The following POLR2B variants were observed in gnomAD, a reference collection of about 807,000 sequenced individuals.
POLR2B encodes DNA-directed RNA polymerase II subunit RPB2.
A neutral mutation model predicts 144.6 loss-of-function variants in POLR2B; 57 were observed. That is an observed-to-expected ratio of 0.39 (90% CI 0.32 to 0.49). The LOEUF is 0.49. Ranked by LOEUF, POLR2B falls within the 20% of genes least tolerant of loss-of-function variation. The pLI, the probability that POLR2B is intolerant of heterozygous loss-of-function variation, is 0.83. For missense variants in POLR2B, 595 were observed against 1,467.4 expected (o/e 0.41, Z 9.71); for synonymous variants, 442 against 469.8 (o/e 0.94, Z 0.77).
At chr4:57,006,732 C>A (rs761454675) in intron 9 of POLR2B, 84 bp from the exon 10 acceptor site, 8 of 1,123,116 alleles carry the variant, frequency 7.1e-6, no homozygotes, top group African/African-American at 4.7e-5. Context: ...ACCTTCCCCA[C>A]GCTTTTTTTT....
At chr4:56,997,498 C>T (rs1267846339) in intron 6 of POLR2B, among the ~76,000 whole-genome samples, 1 of 152,228 alleles carries the variant, frequency 6.6e-6, no homozygotes, top group African/African-American at 2.4e-5. Context: ...CTCAAGTGAC[C>T]TGCCTGCCTT....
Position 57,017,005 on chromosome 4 carries a change from A to G in POLR2B, c.1956-38A>G. 3 of 1,297,954 alleles carry G rather than the reference A, an allele frequency of 2.3e-6. No individual in the cohort carries two copies. Among genetic ancestry groups the G allele is most frequent in the Non-Finnish European group, 3.2e-6 (3 of 936,162 alleles). The allele number at this position is 1,297,954 out of a possible 1,614,324, so 80.4% of individuals were successfully genotyped here. ...AGTAGGAGGAATAGTTAGTTAAAAT[A>G]CTTGAGGAAGTAGAAAATTGAGTGA... On this transcript the variant is annotated intron_variant, in intron 14 of 24. Transcript: ENST00000314595. The surrounding 1 kb of genome is among the most constrained non-coding windows in gnomAD (Gnocchi z 4.8).
intron 10 of POLR2B, among the ~76,000 whole-genome samples, chr4:57,007,948 A>G (rs971543643): frequency 6.6e-6 from 1 of 152,178 alleles, no homozygotes; most frequent in Non-Finnish European, 1.5e-5. Context: ...TTTCCTAGAA[A>G]TCTGGATGCT....
chr4:57,023,460 C>T lies in POLR2B; in HGVS notation c.2646C>T (p.Ser882=). Residue 882 remains serine, a synonymous_variant, in exon 19 of 25, where the codon AGC becomes AGT. Transcript: ENST00000314595. This position sits in a 1 kb window ranked among gnomAD's most constrained non-coding sequence, Gnocchi z 4.3. ...CTGAAAATGAAGATGAATTGGAGAGCACCAATAGACGCTATACCAAGAGAG... is the reference window on the plus strand; with the variant it reads ...CTGAAAATGAAGATGAATTGGAGAGTACCAATAGACGCTATACCAAGAGAG... ...TLPENEDELE[S]TNRRYTKRDC... 6.2e-7 allele frequency: 1 copy of T among 1,613,946 alleles called. No individual in the cohort carries two copies. The highest frequency in any genetic ancestry group is 1.7e-5 in the Admixed American group (1 of 59,998).
chr4:56,999,028 T>C (rs1722774255), intron 6 of POLR2B, among the ~76,000 whole-genome samples: 1 of 152,026 alleles, frequency 6.6e-6, no homozygotes. Context: ...TTAGTAACTT[T>C]TAATTTGTCT....
intron 10 of POLR2B, 31 bp downstream of exon 10, chr4:57,007,033 A>G (rs748946444): frequency 1.4e-6 from 2 of 1,435,862 alleles, no homozygotes; most frequent in Non-Finnish European, 1.9e-6. Context: ...TACAGGCTCA[A>G]TAGGAAACAT....
chr4:57,018,879 G>T (rs1440517744), intron 16 of POLR2B, among the ~76,000 whole-genome samples: 1 of 152,118 alleles, frequency 6.6e-6, no homozygotes. Context: ...ACTGGATGGT[G>T]GGTAAAATGG....
chr4:56,980,261 T>C (rs1157541005), intron 1 of POLR2B, among the ~76,000 whole-genome samples: 3 of 152,126 alleles, frequency 2.0e-5, no homozygotes, highest in Non-Finnish European at 1.5e-5. Context: ...TAAACTTCTG[T>C]CTCATTTATA....
At chr4:57,015,882 C>T (rs868619699) in intron 14 of POLR2B, among the ~76,000 whole-genome samples, 6 of 152,070 alleles carry the variant, frequency 3.9e-5, no homozygotes, top group Admixed American at 1.3e-4. Context: ...CCTCAACCAC[C>T]GTAGTAGCTG....
chr4:57,031,010 G>T lies in POLR2B; in HGVS notation c.*22G>T. ...TTAGCTATTTTACAGGAGTCAACAA[G>T]ATAATTAAATATCTTGGTGTCTTGT... is the stretch of plus-strand genomic sequence containing the variant. On this transcript the variant is annotated 3_prime_UTR_variant, in exon 25 of 25. Coordinates refer to ENST00000314595, the MANE Select transcript of POLR2B (RefSeq NM_000938.3). The T allele has an allele frequency of 7.3e-7, 1 of 1,361,254 alleles. No homozygotes were observed. 84.3% of individuals were successfully genotyped at this position (1,361,254 alleles called of 1,614,324 possible).
At chr4:57,029,109 TCTTGAGG>T (rs1411579839) in intron 23 of POLR2B, among the ~76,000 whole-genome samples, 1 of 152,220 alleles carries the variant, frequency 6.6e-6, no homozygotes, top group Non-Finnish European at 1.5e-5. Flanking sequence ...TGTAAATAGA[TCTTGAGG>T]CTTGAGATTT....
At chr4:57,026,198 C>T (rs1447459066) in intron 23 of POLR2B, among the ~76,000 whole-genome samples, 1 of 151,902 alleles carries the variant, frequency 6.6e-6, no homozygotes, top group Non-Finnish European at 1.5e-5. Flanking sequence ...AGATCACACC[C>T]CTGTGCTCCA....
intron 6 of POLR2B, among the ~76,000 whole-genome samples, chr4:56,996,287 T>A (rs1375906017): frequency 7.6e-6 from 1 of 131,800 alleles, no homozygotes; most frequent in Non-Finnish European, 1.6e-5. Context: ...TATTTTTTTT[T>A]TTTTTTTTTT....
At chr4:56,992,560 ATTTTTTTT>A (rs779373741) in intron 3 of POLR2B, among the ~76,000 whole-genome samples, 1 of 85,586 alleles carries the variant, frequency 1.2e-5, no homozygotes, top group East Asian at 5.7e-4. Flanking sequence ...TGGCTTATCT[ATTTTTTTT>A]TTTTTTTTTG....
At chr4:57,003,599 T>C (rs1722919139) in intron 7 of POLR2B, among the ~76,000 whole-genome samples, 1 of 152,128 alleles carries the variant, frequency 6.6e-6, no homozygotes, top group Non-Finnish European at 1.5e-5. Context: ...ATGCCTGTAA[T>C]CCTAGCACTT....
intron 21 of POLR2B, 44 bp downstream of exon 21, chr4:57,024,156 C>T: frequency 2.9e-6 from 3 of 1,024,024 alleles, no homozygotes; most frequent in Non-Finnish European, 3.0e-6. Context: ...GCTGATGCTT[C>T]TTCTAAAACT....
intron 3 of POLR2B, among the ~76,000 whole-genome samples, chr4:56,993,820 G>T (rs1722595381): frequency 6.6e-6 from 1 of 152,060 alleles, no homozygotes; most frequent in South Asian, 2.1e-4. Context: ...ACTGAAGAGA[G>T]GTTTATTTTT....
At chr4:57,010,010 C>T (rs1049998306) in intron 10 of POLR2B, 3 of 172,416 alleles carry the variant, frequency 1.7e-5, no homozygotes, top group African/African-American at 7.1e-5. Flanking sequence ...TAGAATTTAA[C>T]TTAACACTTA....
chr4:57,006,561 T>A (rs550609855), intron 9 of POLR2B, among the ~76,000 whole-genome samples: 1 of 152,308 alleles, frequency 6.6e-6, no homozygotes, highest in African/African-American at 2.4e-5. Flanking sequence ...CACATCAGCT[T>A]CCCAAAGTGC....
Sources: allele counts gnomAD v4.1 joint callset (sites outside exome capture counted in the v4.1 genomes callset), GRCh38; gene constraint gnomAD v4.1.1; non-coding constraint Gnocchi (gnomAD v3.1); transcripts MANE v1.5; gene names NCBI Gene and HGNC (gene_info 2026-07-23, HGNC 2026-07-21).